The following APOBEC3G variants were observed in gnomAD, a reference collection of about 807,000 sequenced individuals.
APOBEC3G encodes the protein DNA dC->dU-editing enzyme APOBEC-3G.
Under a neutral mutation model 50.0 loss-of-function variants are expected in APOBEC3G, and 44 were observed. The ratio of observed to expected loss-of-function variants is 0.88; its 90% confidence interval spans 0.69 to 1.13. APOBEC3G has a LOEUF of 1.13. Among genes scored for constraint, APOBEC3G ranks in the 50% most tolerant of loss-of-function variants. The probability of loss-of-function intolerance (pLI) is 0.00; values close to 1 mark genes in which losing one functional copy is unlikely to be tolerated. For synonymous variants in APOBEC3G, 156 were observed against 175.3 expected, an observed-to-expected ratio of 0.89 and a Z score of 0.87; for missense variants, 469 against 492.0, an observed-to-expected ratio of 0.95 and a Z score of 0.44.
intron 4 of APOBEC3G, 137 bp downstream of exon 4, chr22:39,081,722 C>T (rs953701176): frequency 1.0e-5 from 7 of 673,388 alleles, no homozygotes; most frequent in East Asian, 2.7e-5. Context: ...TGCCTGCCCT[C>T]GTGGTTACAC....
chr22:39,081,434 A>G, intron 3 of APOBEC3G, 37 bp from the exon 4 acceptor site: 1 of 1,598,944 alleles, frequency 6.3e-7, no homozygotes, highest in African/African-American at 1.3e-5. Flanking sequence ...AAGAGAGGCC[A>G]GCTGGGCTTG....
At chr22:39,079,859 A>G (rs111798032) in intron 2 of APOBEC3G, 2,578 of 150,924 alleles carry the variant, frequency 0.017, 33 homozygotes, top group Non-Finnish European at 0.028. Context: ...ACATGGTGAA[A>G]TCCCATCTCT....
chr22:39,080,610 C>T, intron 2 of APOBEC3G: 1 of 332,118 alleles, frequency 3.0e-6, no homozygotes, highest in East Asian at 5.9e-5. Context: ...GACATACTGC[C>T]CCCCCAGCTA....
chr22:39,085,293 T>C (rs1928644209), intron 5 of APOBEC3G, among the ~76,000 whole-genome samples: 2 of 152,222 alleles, frequency 1.3e-5, no homozygotes, highest in African/African-American at 2.4e-5. Context: ...TCAGTCTATG[T>C]CACTCGTGGG....
At chr22:39,086,197 G>T (rs1309895207) in intron 5 of APOBEC3G, 82 bp from the exon 6 acceptor site, 1 of 1,460,754 alleles carries the variant, frequency 6.8e-7, no homozygotes, top group Non-Finnish European at 9.2e-7. Flanking sequence ...CTAGCTACTT[G>T]TACACTCCAG....
Position 39,080,299 on chromosome 22 carries a change from G to A in APOBEC3G, c.172-634G>A. 3 of 562,364 alleles carry A rather than the reference G, an allele frequency of 5.3e-6. No homozygotes were observed. The South Asian group carries it at 2.3e-4, about 43-fold the overall frequency. The allele number at this position is 562,364 out of a possible 1,614,324, so 34.8% of individuals were successfully genotyped here. A position where few individuals can be genotyped will look rare whatever the true frequency, so the allele number is the denominator to read the frequency against. ...TGCTAGAATTCACACACGAGGCCAT[G>A]AACAGGGCTGGGAAAACTTCCAAAC... On this transcript the variant is annotated intron_variant, in intron 2 of 7. Transcript: ENST00000407997.
At chr22:39,081,427 A>T in intron 3 of APOBEC3G, 44 bp from the exon 4 acceptor site, 1 of 1,596,174 alleles carries the variant, frequency 6.3e-7, no homozygotes, top group South Asian at 1.1e-5. Flanking sequence ...GTCACAGAAG[A>T]GAGGCCAGCT....
In APOBEC3G at chr22:39,081,598, C is replaced by G. The variant is rs748225900; in HGVS notation, c.581+13C>G. 1.2e-6 allele frequency: 2 copies of G among 1,604,094 alleles called. No homozygotes were observed. Among genetic ancestry groups the G allele is most frequent in the Non-Finnish European group, 1.7e-6 (2 of 1,171,446 alleles). ...GGGAGATTCTCAGGTGAGGGTCTCC[C>G]TCCAGGCTCATCGCCTCGCTCCTCT... On this transcript the variant is annotated intron_variant, in intron 4 of 7. Transcript: ENST00000407997.
chr22:39,080,799 A>G (rs191948641), intron 2 of APOBEC3G, 134 bp from the exon 3 acceptor site: 14 of 798,516 alleles, frequency 1.8e-5, no homozygotes, highest in Non-Finnish European at 2.6e-5. Flanking sequence ...CAAACCGAAC[A>G]GGGGGATGGA....
intron 1 of APOBEC3G, chr22:39,078,599 A>T: frequency 4.5e-6 from 1 of 221,024 alleles, no homozygotes; most frequent in Non-Finnish European, 8.9e-6. Context: ...GGGCCTCAGA[A>T]TTCGGTTCTA....
chr22:39,081,032 T>C lies in APOBEC3G; in HGVS notation c.271T>C (p.Tyr91His). The part of the protein sequence containing the change: ...HRDQEYEVTW[Y>H]ISWSPCTKCT... Reference sequence around the variant, plus strand: ...TGACCAGGAGTATGAGGTCACCTGGTACATATCCTGGAGCCCCTGCACAAA... The same window carrying C: ...TGACCAGGAGTATGAGGTCACCTGGCACATATCCTGGAGCCCCTGCACAAA... Residue 91 changes from tyrosine to histidine, a missense_variant, in exon 3 of 8, where the codon TAC (tyrosine) becomes CAC (histidine). By Grantham distance (83) the Tyr-to-His change is moderately conservative (BLOSUM62 2). Coordinates refer to ENST00000407997, the MANE Select transcript of APOBEC3G (RefSeq NM_021822.4). The C allele has an allele frequency of 6.2e-7, 1 of 1,614,126 alleles. No individual in the cohort carries two copies. Among genetic ancestry groups the C allele is most frequent in the Non-Finnish European group, 8.5e-7 (1 of 1,180,004 alleles).
chr22:39,077,346 G>C lies in APOBEC3G; in HGVS notation c.-16G>C. On this transcript the variant is annotated 5_prime_UTR_variant, in exon 1 of 8. Transcript: ENST00000407997. ...TGCTCCAGACAAAGATCTTAGTCGG[G>C]ACTAGCCGGCCAAGGATGAAGCCTC... The C allele has an allele frequency of 1.3e-6, 2 of 1,574,740 alleles. No individual in the cohort carries two copies. The highest frequency in any genetic ancestry group is 2.3e-5 in the East Asian group (1 of 43,274).
rs1928753940 is a variant in APOBEC3G, at chr22:39,087,552, G to A, written c.*131G>A. The A allele has an allele frequency of 6.5e-7, 1 of 1,548,866 alleles. No homozygotes were observed. On this transcript the variant is annotated 3_prime_UTR_variant, in exon 8 of 8. Coordinates refer to ENST00000407997, the MANE Select transcript of APOBEC3G (RefSeq NM_021822.4). ...TGATCACAGACACCAGCAAAGCAATGCACTCCTGACCAAGTAGATTCTTTT... is the reference window on the plus strand; with the variant it reads ...TGATCACAGACACCAGCAAAGCAATACACTCCTGACCAAGTAGATTCTTTT...
chr22:39,077,987 C>T (rs9607609), intron 1 of APOBEC3G, among the ~76,000 whole-genome samples: 37,060 of 152,072 alleles, frequency 0.24, 4,816 homozygotes, highest in South Asian at 0.31. Context: ...TGGCCGGGTG[C>T]GGTGGCTCAC....
intron 6 of APOBEC3G, 25 bp downstream of exon 6, chr22:39,086,592 A>G (rs754179641): frequency 2.5e-5 from 40 of 1,571,136 alleles, no homozygotes; most frequent in Middle Eastern, 2.2e-4. Context: ...CTGGAGTAGG[A>G]TGGGGTCAGC....
At chr22:39,077,761 G>A (rs1287581526) in intron 1 of APOBEC3G, among the ~76,000 whole-genome samples, 1 of 152,192 alleles carries the variant, frequency 6.6e-6, no homozygotes, top group Non-Finnish European at 1.5e-5. Context: ...TGTTCACAGG[G>A]CTTTGATGGA....
intron 1 of APOBEC3G, 102 bp downstream of exon 1, chr22:39,077,480 C>T: frequency 6.5e-7 from 1 of 1,541,502 alleles, no homozygotes; most frequent in South Asian, 1.2e-5. Flanking sequence ...CAGCCCCAGC[C>T]CTGGGCTCCC....
chr22:39,087,309 C>T, intron 7 of APOBEC3G, 98 bp from the exon 8 acceptor site: 3 of 1,601,948 alleles, frequency 1.9e-6, no homozygotes, highest in Non-Finnish European at 2.6e-6. Flanking sequence ...CACATCCCTC[C>T]CTCCTCTCCG....
At chr22:39,078,752 G>C (rs1246374060) in intron 1 of APOBEC3G, 180 bp from the exon 2 acceptor site, 6 of 725,444 alleles carry the variant, frequency 8.3e-6, no homozygotes, top group Non-Finnish European at 1.3e-5. Context: ...CGCTCTTGTC[G>C]CCCAGGCTGG....
Sources: gnomAD v4.1 joint callset for allele counts (sites outside exome capture counted in the v4.1 genomes callset) on GRCh38, gnomAD v4.1.1 for gene constraint, MANE v1.5 for transcripts, NCBI Gene and HGNC (gene_info 2026-07-23, HGNC 2026-07-21) for gene names.